The following LRRC8D variants were observed in gnomAD, a reference collection of about 807,000 sequenced individuals.
The protein encoded by LRRC8D is volume-regulated anion channel subunit LRRC8D.
LRRC8D carries 20 observed loss-of-function variants against 55.8 expected under a neutral mutation model. The ratio of observed to expected loss-of-function variants is 0.36; its 90% CI spans 0.25 to 0.52. LRRC8D has a LOEUF of 0.52. Among genes scored for constraint, LRRC8D ranks in the 20% least tolerant of loss-of-function variants. The pLI, the probability that LRRC8D is intolerant of heterozygous loss-of-function variation, is 0.93. For synonymous variants in LRRC8D, 352 were observed against 377.0 expected (o/e 0.93, Z 0.77); for missense variants, 651 against 1,030.8 (o/e 0.63, Z 5.05).
intron 1 of LRRC8D, among the ~76,000 whole-genome samples, chr1:89,836,081 T>C (rs549357490): frequency 6.6e-6 from 1 of 152,338 alleles, no homozygotes; most frequent in African/African-American, 2.4e-5. Flanking sequence ...GCATATTGGC[T>C]ACAGAGCTAA....
At chr1:89,836,314 T>C (rs1053994104) in intron 1 of LRRC8D, among the ~76,000 whole-genome samples, 10 of 152,220 alleles carry the variant, frequency 6.6e-5, no homozygotes, top group Admixed American at 1.3e-4. Flanking sequence ...ATTAAAGAAA[T>C]TAGAAATTAT....
At chr1:89,890,695 A>G (rs1005335858) in intron 2 of LRRC8D, among the ~76,000 whole-genome samples, 4 of 152,208 alleles carry the variant, frequency 2.6e-5, no homozygotes, top group Admixed American at 6.5e-5. Context: ...AATGCCTTAC[A>G]TACCGTAGAA....
intron 2 of LRRC8D, among the ~76,000 whole-genome samples, chr1:89,868,609 C>T (rs1661914034): frequency 6.6e-6 from 1 of 151,924 alleles, no homozygotes; most frequent in African/African-American, 2.4e-5. Context: ...ATGCCAGGCA[C>T]GTGCTAAGCA....
At position 89,935,847 on chromosome 1, in the gene LRRC8D, T is replaced by C; in HGVS notation, c.*202T>C. 1 of 249,614 alleles carries C rather than the reference T, an allele frequency of 4.0e-6. No individual in the cohort carries two copies. The highest frequency in any genetic ancestry group is 1.3e-4 in the South Asian group (1 of 7,716). 15.5% of individuals were successfully genotyped at this position (249,614 alleles called of 1,614,324 possible). A position where few individuals can be genotyped will look rare whatever the true frequency, so the allele number is the denominator to read the frequency against. ...TTTTAAGTCATTCATTTCCAAATCA[T>C]TTTTTTTTTTCTTTTGGGGAAAGGG... On this transcript the variant is annotated 3_prime_UTR_variant, in exon 3 of 3. Coordinates refer to ENST00000337338, the MANE Select transcript of LRRC8D (RefSeq NM_001134479.2).
chr1:89,928,744 G>A (rs866703552), intron 2 of LRRC8D, among the ~76,000 whole-genome samples: 5 of 152,260 alleles, frequency 3.3e-5, no homozygotes, highest in Middle Eastern at 3.4e-3. Flanking sequence ...TATTTCCTGG[G>A]ATCAAAGCCT....
In LRRC8D at chr1:89,892,437, T is replaced by G. The variant is rs116246644; in HGVS notation, c.-2-40630T>G. Among the ~76,000 whole-genome samples, 678 of 152,326 alleles carry G rather than the reference T, an allele frequency of 4.5e-3. 5 individuals are homozygous for G. Among genetic ancestry groups the G allele is most frequent in the African/African-American group, 0.014 (595 of 41,568 alleles). ...CAGTGTGGGATAAGGTAGGACCAAG[T>G]TCCCCGCTTGGCATTATTTAGCACT... On this transcript the variant is annotated intron_variant, in intron 2 of 2. Transcript: ENST00000337338.
At chr1:89,859,915 T>C (rs894551861) in intron 2 of LRRC8D, among the ~76,000 whole-genome samples, 2 of 152,230 alleles carry the variant, frequency 1.3e-5, no homozygotes, top group African/African-American at 4.8e-5. Flanking sequence ...AAAATTACTT[T>C]GAAGTAAATT....
chr1:89,925,307 C>CTCAGGGA lies in LRRC8D; in HGVS notation c.-2-7757_-2-7751dup, dbSNP rs547952385. On this transcript the variant is annotated intron_variant, in intron 2 of 2. Coordinates refer to ENST00000337338, the MANE Select transcript of LRRC8D (RefSeq NM_001134479.2). ...TGGGACCGTCTAGTTGCAGGAAAAG[C>CTCAGGGA]TCAGGGATCGCGCTGATTCCACATT... is the stretch of plus-strand genomic sequence containing the variant. Among the ~76,000 whole-genome samples the CTCAGGGA allele has an allele frequency of 3.6e-3, 552 of 152,296 alleles. 4 individuals carry two copies. The highest frequency in any genetic ancestry group is 0.013 in the African/African-American group (530 of 41,540).
chr1:89,832,187 T>A (rs920195624), intron 1 of LRRC8D, among the ~76,000 whole-genome samples: 9 of 152,244 alleles, frequency 5.9e-5, no homozygotes, highest in African/African-American at 2.2e-4. Context: ...GGGGAAAATC[T>A]AACATCGTTT....
chr1:89,914,283 G>A (rs901511981), intron 2 of LRRC8D, among the ~76,000 whole-genome samples: 13 of 152,298 alleles, frequency 8.5e-5, no homozygotes, highest in African/African-American at 2.9e-4. Flanking sequence ...ACGCCCACCC[G>A]GAACTCCAGC....
At chr1:89,880,076 A>G (rs1340241066) in intron 2 of LRRC8D, among the ~76,000 whole-genome samples, 2 of 151,818 alleles carry the variant, frequency 1.3e-5, no homozygotes, top group Non-Finnish European at 1.5e-5. Context: ...ACATTTATCT[A>G]TGTGCTTTGC....
At chr1:89,917,017 TGGAAATAGG>T (rs1288399065) in intron 2 of LRRC8D, among the ~76,000 whole-genome samples, 3 of 152,108 alleles carry the variant, frequency 2.0e-5, no homozygotes, top group Non-Finnish European at 4.4e-5. Flanking sequence ...AGGTAAAAGG[TGGAAATAGG>T]GGTGAAAACT....
rs193160962 is a variant in LRRC8D at position 89,911,072 on chromosome 1, T to C, written c.-2-21995T>C. On this transcript the variant is annotated intron_variant, in intron 2 of 2. Coordinates refer to ENST00000337338, the MANE Select transcript of LRRC8D (RefSeq NM_001134479.2). This position sits in a 1 kb window ranked among gnomAD's most constrained non-coding sequence, Gnocchi z 4.0. ...TGTAATCTGACCTGAGTTCTCTGAA[T>C]GCTTGACCTTCCCAGGGAGTTTCAG... Among the ~76,000 whole-genome samples the C allele has an allele frequency of 5.3e-5, 8 of 152,310 alleles. No homozygotes were observed. The East Asian group carries it at 1.5e-3, about 29-fold the overall frequency.
chr1:89,885,703 T>A (rs1194712714), intron 2 of LRRC8D, among the ~76,000 whole-genome samples: 1 of 152,238 alleles, frequency 6.6e-6, no homozygotes, highest in East Asian at 1.9e-4. Context: ...CTGTCTTCCT[T>A]AACGTTGTTT....
At chr1:89,884,822 G>A (rs948667691) in intron 2 of LRRC8D, among the ~76,000 whole-genome samples, 1 of 152,150 alleles carries the variant, frequency 6.6e-6, no homozygotes, top group African/African-American at 2.4e-5. Context: ...TGTACTGTTG[G>A]ATCTTGGCAT....
chr1:89,898,395 T>C (rs1351025377), intron 2 of LRRC8D, among the ~76,000 whole-genome samples: 2 of 152,178 alleles, frequency 1.3e-5, no homozygotes, highest in Non-Finnish European at 2.9e-5. Flanking sequence ...TTCCAGATAT[T>C]AGATGCTTGC....
intron 1 of LRRC8D, among the ~76,000 whole-genome samples, chr1:89,827,542 C>G (rs1277572299): frequency 1.3e-5 from 2 of 152,116 alleles, no homozygotes; most frequent in Non-Finnish European, 2.9e-5. Context: ...GGACAGGGTC[C>G]TTGCTCATCT....
In LRRC8D at chr1:89,911,785, G is replaced by A. The variant is rs927011305; in HGVS notation, c.-2-21282G>A. 5.3e-5 allele frequency among the ~76,000 whole-genome samples: 8 copies of A among 152,122 alleles called. No homozygotes were observed. Among genetic ancestry groups the A allele is most frequent in the Non-Finnish European group, 1.5e-5 (1 of 68,026 alleles). Reference sequence around the variant, plus strand: ...CCAGCGGTCACTTTTGCCCCTTAACGTGCGTGACTTGCTTTTGACACCTGC... The same window carrying A: ...CCAGCGGTCACTTTTGCCCCTTAACATGCGTGACTTGCTTTTGACACCTGC... On this transcript the variant is annotated intron_variant, in intron 2 of 2. Coordinates refer to ENST00000337338, the MANE Select transcript of LRRC8D (RefSeq NM_001134479.2). The surrounding 1 kb of genome is among the most constrained non-coding windows in gnomAD (Gnocchi z 4.0).
At chr1:89,922,753 G>A (rs1358125598) in intron 2 of LRRC8D, among the ~76,000 whole-genome samples, 2 of 152,184 alleles carry the variant, frequency 1.3e-5, no homozygotes, top group African/African-American at 2.4e-5. Context: ...AGCATGAATA[G>A]TTACAATAGG....
Sources: allele counts gnomAD v4.1 joint callset (sites outside exome capture counted in the v4.1 genomes callset), GRCh38; gene constraint gnomAD v4.1.1; non-coding constraint Gnocchi (gnomAD v3.1); transcripts MANE v1.5; gene names NCBI Gene and HGNC (gene_info 2026-07-23, HGNC 2026-07-21).